Variants in SMAD3 observed in about 807,000 individuals in gnomAD.
SMAD3 encodes SMAD family member 3.
SMAD3 carries 12 observed loss-of-function variants against 51.8 expected under a neutral mutation model. That is an observed-to-expected ratio of 0.23 (90% CI 0.15 to 0.38). SMAD3 has a LOEUF of 0.38. Ranked by LOEUF, SMAD3 falls within the 10% of genes least tolerant of loss-of-function variation. The pLI is 1.00. For synonymous variants in SMAD3, 238 were observed against 227.7 expected (o/e 1.05, Z -0.41); for missense variants, 294 against 565.6 (o/e 0.52, Z 4.87).
chr15:67,130,009 A>T (rs1231605109), intron 1 of SMAD3, among the ~76,000 whole-genome samples: 3 of 152,190 alleles, frequency 2.0e-5, no homozygotes, highest in Admixed American at 2.0e-4. Flanking sequence ...TGAGTTACAC[A>T]GCTAGTGAGG....
At chr15:67,169,892 A>G (rs1171699465) in intron 4 of SMAD3, among the ~76,000 whole-genome samples, 1 of 152,166 alleles carries the variant, frequency 6.6e-6, no homozygotes, top group East Asian at 1.9e-4. Flanking sequence ...TGAGAGGTGT[A>G]GAGAACATAA....
intron 1 of SMAD3, chr15:67,146,797 C>A (rs1293287645): frequency 6.6e-6 from 1 of 152,164 alleles, no homozygotes; most frequent in African/African-American, 2.4e-5. Flanking sequence ...AGAAAAAAGG[C>A]TCTTTCTCCA....
rs141300975 is a variant in SMAD3 at position 67,088,075 on chromosome 15, C to T, written c.206+21715C>T. Among the ~76,000 whole-genome samples, 28 of 152,282 alleles carry T rather than the reference C, an allele frequency of 1.8e-4. No homozygotes were observed. In the East Asian group the frequency reaches 4.4e-3, roughly 24 times the overall value. ...TAAAAATAAAAACCTTGAGCTGGAG[C>T]GGAGAGGGGTCACACATTTGTTAGT... is the stretch of plus-strand genomic sequence containing the variant. On this transcript the variant is annotated intron_variant, in intron 1 of 8. Coordinates refer to ENST00000327367, the MANE Select transcript of SMAD3 (RefSeq NM_005902.4).
At chr15:67,149,805 G>A (rs574532532) in intron 1 of SMAD3, among the ~76,000 whole-genome samples, 12 of 152,212 alleles carry the variant, frequency 7.9e-5, no homozygotes, top group Non-Finnish European at 1.6e-4. Flanking sequence ...ATATAAGCTT[G>A]TAAAGCTTTG....
At chr15:67,092,143 C>A (rs556742319) in intron 1 of SMAD3, among the ~76,000 whole-genome samples, 1 of 152,316 alleles carries the variant, frequency 6.6e-6, no homozygotes, top group African/African-American at 2.4e-5. Context: ...ATTATTTAAA[C>A]CCTGCTGGAG....
At position 67,190,445 on chromosome 15, in the gene SMAD3, T is replaced by C. The variant is rs1595965957; in HGVS notation, c.1187T>C (p.Ile396Thr). 1 of 1,614,062 alleles carries C rather than the reference T, an allele frequency of 6.2e-7. No homozygotes were observed. Among genetic ancestry groups the C allele is most frequent in the Non-Finnish European group, 8.5e-7 (1 of 1,179,968 alleles). Residue 396 changes from isoleucine to threonine, a missense_variant, in exon 9 of 9, where the codon ATT (isoleucine) becomes ACT (threonine). Transcript: ENST00000327367. ...RQTVTSTPCW[I>T]ELHLNGPLQW... ...ACTGTGACCAGTACCCCCTGCTGGATTGAGCTGCACCTGAATGGGCCTTTG... is the reference window on the plus strand; with the variant it reads ...ACTGTGACCAGTACCCCCTGCTGGACTGAGCTGCACCTGAATGGGCCTTTG...
intron 1 of SMAD3, among the ~76,000 whole-genome samples, chr15:67,160,846 T>G (rs925651775): frequency 1.1e-4 from 16 of 149,858 alleles, no homozygotes; most frequent in African/African-American, 3.7e-4. Context: ...GTTTTCAGAG[T>G]TCTAGAAACA....
At chr15:67,079,239 A>C (rs920681504) in intron 1 of SMAD3, among the ~76,000 whole-genome samples, 1 of 152,004 alleles carries the variant, frequency 6.6e-6, no homozygotes, top group African/African-American at 2.4e-5. Context: ...CAGCCTCCCA[A>C]ATTGCTGGGA....
intron 1 of SMAD3, among the ~76,000 whole-genome samples, chr15:67,158,804 C>A (rs1425297510): frequency 6.6e-6 from 1 of 152,212 alleles, no homozygotes; most frequent in African/African-American, 2.4e-5. Context: ...ACCCTCCTGA[C>A]TGTGCACCCA....
At chr15:67,067,579 T>G (rs1959954873) in intron 1 of SMAD3, among the ~76,000 whole-genome samples, 1 of 152,206 alleles carries the variant, frequency 6.6e-6, no homozygotes, top group Admixed American at 6.5e-5. Flanking sequence ...CTTGGCCACC[T>G]GCTTGGGGCA....
intron 8 of SMAD3, among the ~76,000 whole-genome samples, chr15:67,190,022 G>A (rs990371787): frequency 6.6e-6 from 1 of 151,966 alleles, no homozygotes; most frequent in African/African-American, 2.4e-5. Context: ...GGAGCGGCAC[G>A]TGCCCGTTTG....
intron 5 of SMAD3, among the ~76,000 whole-genome samples, chr15:67,179,237 A>G (rs1171317074): frequency 6.6e-6 from 1 of 152,128 alleles, no homozygotes; most frequent in African/African-American, 2.4e-5. Flanking sequence ...ATCCAGTTAA[A>G]TATCTAGGGC....
In SMAD3 at chr15:67,107,026, C is replaced by T. The variant is rs573691371; in HGVS notation, c.206+40666C>T. On this transcript the variant is annotated intron_variant, in intron 1 of 8. Transcript: ENST00000327367. ...CTGAGTTCACAGGGCCCCGTCTGCACGACTTGGCTTCTGTCGGCTTCCCTA... is the reference window on the plus strand; with the variant it reads ...CTGAGTTCACAGGGCCCCGTCTGCATGACTTGGCTTCTGTCGGCTTCCCTA... 8.5e-5 allele frequency among the ~76,000 whole-genome samples: 13 copies of T among 152,208 alleles called. 1 individual carries two copies. In the South Asian group the frequency reaches 2.5e-3, roughly 29 times the overall value.
At chr15:67,165,538 G>A (rs373495432) in intron 3 of SMAD3, among the ~76,000 whole-genome samples, 154 bp downstream of exon 3, 7 of 152,312 alleles carry the variant, frequency 4.6e-5, no homozygotes, top group African/African-American at 1.4e-4. Context: ...ACTCAGAACC[G>A]CATCCCTGTT....
intron 1 of SMAD3, among the ~76,000 whole-genome samples, chr15:67,143,859 T>C: frequency 6.6e-6 from 1 of 151,894 alleles, no homozygotes; most frequent in East Asian, 1.9e-4. Flanking sequence ...AACCTCCGCC[T>C]CCTGGGTTCA....
intron 1 of SMAD3, among the ~76,000 whole-genome samples, chr15:67,066,822 T>C (rs1361539077): frequency 1.3e-5 from 2 of 152,232 alleles, no homozygotes. Flanking sequence ...CTCCCCACTT[T>C]CCTCTACAGG....
At chr15:67,166,973 G>A (rs1291164450) in intron 4 of SMAD3, 120 bp downstream of exon 4, 10 of 831,888 alleles carry the variant, frequency 1.2e-5, no homozygotes, top group African/African-American at 1.7e-5. Flanking sequence ...TCCAGTATTT[G>A]TAGAGCAACC....
intron 3 of SMAD3, 32 bp from the exon 4 acceptor site, chr15:67,166,746 CT>C (rs2140296730): frequency 6.6e-7 from 1 of 1,516,276 alleles, no homozygotes; most frequent in Non-Finnish European, 9.0e-7. Context: ...CTGTGAAGGC[CT>C]TTTAACAGAC....
chr15:67,138,300 C>T (rs1961721429), intron 1 of SMAD3: 2 of 541,438 alleles, frequency 3.7e-6, no homozygotes. Context: ...GCTCAGGGCC[C>T]TCTGCCTGGT....
Sources: allele counts gnomAD v4.1 joint callset (sites outside exome capture counted in the v4.1 genomes callset), GRCh38; gene constraint gnomAD v4.1.1; transcripts MANE v1.5; gene names NCBI Gene and HGNC (gene_info 2026-07-23, HGNC 2026-07-21).